The following VCP variants were observed in gnomAD, a reference collection of about 807,000 sequenced individuals.
The protein encoded by VCP is transitional endoplasmic reticulum ATPase.
A neutral mutation model predicts 85.7 loss-of-function variants in VCP; 6 were observed. That is an observed-to-expected ratio of 0.07 (90% CI 0.04 to 0.14). The LOEUF (loss-of-function observed/expected upper bound fraction) is 0.14. Ranked by LOEUF, VCP falls within the 10% of genes least tolerant of loss-of-function variation. The pLI is 1.00. For missense variants in VCP, 353 were observed against 1,043.4 expected (o/e 0.34, Z 9.12); for synonymous variants, 384 against 367.1 (o/e 1.05, Z -0.53).
chr9:35,071,608 C>A, intron 1 of VCP: 7 of 657,058 alleles, frequency 1.1e-5, no homozygotes, highest in Non-Finnish European at 1.3e-5. Flanking sequence ...CCTTTCTCCC[C>A]ACCCACGAGT....
Position 35,061,897 on chromosome 9 carries a change from C to T in VCP, c.1081+106G>A, listed in dbSNP as rs1051317864. ...GACGTAGGGTAAAGGAAAAAGACCC[C>T]TGGACCCAATCACTGTGAAGGGCTT... On this transcript the variant is annotated intron_variant, in intron 9 of 16. Transcript: ENST00000358901. The T allele has an allele frequency of 4.4e-6, 7 of 1,592,870 alleles. No homozygotes were observed. In the African/African-American group the frequency reaches 6.7e-5, roughly 15 times the overall value.
At chr9:35,066,612 T>G in intron 4 of VCP, 63 bp downstream of exon 4, 1 of 1,564,630 alleles carries the variant, frequency 6.4e-7, no homozygotes, top group South Asian at 1.2e-5. Flanking sequence ...GAAAATGAGA[T>G]AAAGATGTTC....
In VCP at chr9:35,060,835, T is replaced by A; in HGVS notation, c.1448A>T (p.Glu483Val). 8.1e-6 allele frequency: 13 copies of A among 1,614,182 alleles called. No homozygotes were observed. Among genetic ancestry groups the A allele is most frequent in the Non-Finnish European group, 1.0e-5 (12 of 1,180,026 alleles). ...QVTWEDIGGL[E>V]DVKRELQELV... ...CTCCTGTAGCTCACGTTTGACATCC[T>A]CTAGGCCCCCGATGTCTTCCCAGGT... The change falls in exon 12 of 17, where the codon GAG becomes GTG. Residue 483 changes from glutamate (E) to valine (V), a missense_variant. Physicochemically the swap from Glu to Val is moderately radical, Grantham distance 121 (BLOSUM62 -2). This residue lies in a region of VCP where 18 missense variants were observed against 71.2 expected (regional missense o/e 0.25). Coordinates refer to ENST00000358901, the MANE Select transcript of VCP (RefSeq NM_007126.5).
chr9:35,062,966 C>G lies in VCP; in HGVS notation c.811+12G>C, dbSNP rs772228010. 2 of 1,613,644 alleles carry G rather than the reference C, an allele frequency of 1.2e-6. No homozygotes were observed. Among genetic ancestry groups the G allele is most frequent in the East Asian group, 2.2e-5 (1 of 44,856 alleles). On this transcript the variant is annotated intron_variant, in intron 7 of 16. Coordinates refer to ENST00000358901, the MANE Select transcript of VCP (RefSeq NM_007126.5). ...GGGTCTAGCTAGACATAAGATGAAC[C>G]AAATATCTCACCATTGATCAAGAAG...
intron 13 of VCP, 84 bp downstream of exon 13, chr9:35,060,229 A>C: frequency 7.1e-7 from 1 of 1,409,138 alleles, no homozygotes; most frequent in South Asian, 1.2e-5. Flanking sequence ...AGCACTAAGA[A>C]TATTTCAACC....
At chr9:35,072,251 C>T in intron 1 of VCP, 86 bp downstream of exon 1, 1 of 1,474,944 alleles carries the variant, frequency 6.8e-7, no homozygotes, top group South Asian at 1.3e-5. Flanking sequence ...TCTGACGCGC[C>T]CACGGCCAGG....
In VCP at chr9:35,059,280, T is replaced by G. The variant is rs1828673760; in HGVS notation, c.2005-61A>C. On this transcript the variant is annotated intron_variant, in intron 14 of 16. Coordinates refer to ENST00000358901, the MANE Select transcript of VCP (RefSeq NM_007126.5). This position sits in a 1 kb window ranked among gnomAD's most constrained non-coding sequence, Gnocchi z 4.9. Reference sequence around the variant, plus strand: ...CTCTCCTCTCGAGATACGCAGATCTTTGGGCTACCCGAGCACTCCCAACTA... The same window carrying G: ...CTCTCCTCTCGAGATACGCAGATCTGTGGGCTACCCGAGCACTCCCAACTA... 1 of 1,608,014 alleles carries G rather than the reference T, an allele frequency of 6.2e-7. No individual in the cohort carries two copies. The highest frequency in any genetic ancestry group is 1.1e-5 in the South Asian group (1 of 90,264).
rs1828845460 is a variant in VCP at position 35,066,915 on chromosome 9, A to G, written c.303-98T>C. On this transcript the variant is annotated intron_variant, in intron 3 of 16. Transcript: ENST00000358901. ...GGCACAGATAGCTGATAGTAAGTGA[A>G]AAAGAAAAGGCAGGATGGCTTTAGG... is the stretch of plus-strand genomic sequence containing the variant. 5.7e-6 allele frequency: 9 copies of G among 1,591,016 alleles called. No homozygotes were observed. The South Asian group carries it at 8.9e-5, about 16-fold the overall frequency.
chr9:35,062,910 G>C, intron 7 of VCP, 68 bp downstream of exon 7: 1 of 1,472,292 alleles, frequency 6.8e-7, no homozygotes, highest in East Asian at 2.3e-5. Context: ...GTGTTCATAA[G>C]TGCTCCAGCT....
chr9:35,072,325 G>A lies in VCP; in HGVS notation c.17+12C>T. ...CGCCGCCGCAGCAAGCGAACGGCGCGCGCACACTCACTCGGCTCCAGAAGC... is the reference window on the plus strand; with the variant it reads ...CGCCGCCGCAGCAAGCGAACGGCGCACGCACACTCACTCGGCTCCAGAAGC... On this transcript the variant is annotated intron_variant, in intron 1 of 16. Coordinates refer to ENST00000358901, the MANE Select transcript of VCP (RefSeq NM_007126.5). The A allele has an allele frequency of 6.7e-7, 1 of 1,485,662 alleles. No individual in the cohort carries two copies. The highest frequency in any genetic ancestry group is 8.9e-7 in the Non-Finnish European group (1 of 1,126,048). 92.0% of individuals were successfully genotyped at this position (1,485,662 alleles called of 1,614,324 possible). A position where few individuals can be genotyped will look rare whatever the true frequency, so the allele number is the denominator to read the frequency against.
chr9:35,057,058 C>T lies in VCP; in HGVS notation c.*59G>A. The T allele has an allele frequency of 1.3e-6, 2 of 1,584,760 alleles. No homozygotes were observed. Among genetic ancestry groups the T allele is most frequent in the Non-Finnish European group, 1.7e-6 (2 of 1,155,592 alleles). ...CTGGTCCCTCTCCTGGGCAAGCGCC[C>T]CCACCCCCAGGGAACAAGGTCCAGG... On this transcript the variant is annotated 3_prime_UTR_variant, in exon 17 of 17. Transcript: ENST00000358901.
At chr9:35,062,448 C>T in intron 7 of VCP, 98 bp from the exon 8 acceptor site, 2 of 1,585,940 alleles carry the variant, frequency 1.3e-6, no homozygotes, top group Non-Finnish European at 8.6e-7. Flanking sequence ...GAGACAGGTC[C>T]TGGGTGAGAA....
chr9:35,070,019 A>G (rs1331560306), intron 1 of VCP, among the ~76,000 whole-genome samples: 1 of 152,226 alleles, frequency 6.6e-6, no homozygotes, highest in Non-Finnish European at 1.5e-5. Flanking sequence ...TGCTGTGCTC[A>G]GCTAGGAAGC....
In VCP at chr9:35,060,936, G is replaced by A. The variant is rs1251377815; in HGVS notation, c.1360-13C>T. ...GGCTCAAGGCCCACTAGAAAAGGAG[G>A]GAAAACTGGGGATGAGACTTATCAA... On this transcript the variant is annotated splice_polypyrimidine_tract_variant and intron_variant, in intron 11 of 16. Transcript: ENST00000358901. 1 of 1,614,168 alleles carries A rather than the reference G, an allele frequency of 6.2e-7. No individual in the cohort carries two copies. The highest frequency in any genetic ancestry group is 8.5e-7 in the Non-Finnish European group (1 of 1,180,032).
chr9:35,063,151 C>G lies in VCP; in HGVS notation c.709-71G>C, dbSNP rs753595390. On this transcript the variant is annotated intron_variant, in intron 6 of 16. Transcript: ENST00000358901. Reference sequence around the variant, plus strand: ...ACCCTAAAATGGCTTGACTAGCGCTCCAGAGAGGGTGAGAATCAGGCTTCA... The same window carrying G: ...ACCCTAAAATGGCTTGACTAGCGCTGCAGAGAGGGTGAGAATCAGGCTTCA... The G allele has an allele frequency of 2.3e-4, 317 of 1,372,736 alleles. No homozygotes were observed. Among genetic ancestry groups the G allele is most frequent in the Non-Finnish European group, 2.9e-4 (276 of 962,694 alleles). 85.0% of individuals were successfully genotyped at this position (1,372,736 alleles called of 1,614,324 possible).
chr9:35,059,787 G>T lies in VCP; in HGVS notation c.1710C>A (p.Ala570=). The part of the protein sequence containing the change: ...REIFDKARQA[A]PCVLFFDELD... ...GCTCATCAAAGAATAGCACACAGGGGGCAGCTTGGCGGGCCTGTAGGAGGA... is the reference window on the plus strand; with the variant it reads ...GCTCATCAAAGAATAGCACACAGGGTGCAGCTTGGCGGGCCTGTAGGAGGA... Residue 570 remains alanine (A), a synonymous_variant, in exon 14 of 17, where the codon GCC becomes GCA. Transcript: ENST00000358901. The surrounding 1 kb of genome is among the most constrained non-coding windows in gnomAD (Gnocchi z 4.9). 6.2e-7 allele frequency: 1 copy of T among 1,614,096 alleles called. No homozygotes were observed. Among genetic ancestry groups the T allele is most frequent in the East Asian group, 2.2e-5 (1 of 44,886 alleles).
intron 3 of VCP, 31 bp from the exon 4 acceptor site, chr9:35,066,848 A>G: frequency 3.1e-6 from 5 of 1,613,698 alleles, no homozygotes; most frequent in Non-Finnish European, 4.2e-6. Context: ...CCATATTACC[A>G]ACCACACTTC....
In VCP at chr9:35,068,275, G is replaced by A. The variant is rs1186231039; in HGVS notation, c.105C>T (p.Asp35=). 2 of 1,614,162 alleles carry A rather than the reference G, an allele frequency of 1.2e-6. No individual in the cohort carries two copies. The highest frequency in any genetic ancestry group is 2.2e-5 in the East Asian group (1 of 44,888). ...CCTGGGACAAGGACACCACACTGTT[G>A]TCCTCATTGATGGCTTCATCAACAA... is the stretch of plus-strand genomic sequence containing the variant. ...RLIVDEAINE[D]NSVVSLSQPK... is the part of the protein sequence containing the mutation. Residue 35 remains aspartate (D), a synonymous_variant, in exon 2 of 17, where the codon GAC becomes GAT. Coordinates refer to ENST00000358901, the MANE Select transcript of VCP (RefSeq NM_007126.5).
chr9:35,058,766 C>T (rs1283528591), intron 15 of VCP, among the ~76,000 whole-genome samples: 2 of 144,922 alleles, frequency 1.4e-5, no homozygotes, highest in Admixed American at 1.4e-4. Context: ...GACTTCGTCT[C>T]AAAAAAAAAA....
Sources: gnomAD v4.1 joint callset for allele counts (sites outside exome capture counted in the v4.1 genomes callset) on GRCh38, gnomAD v4.1.1 for gene constraint, gnomAD v4.1.1 regional missense constraint, Gnocchi (gnomAD v3.1) non-coding constraint, MANE v1.5 for transcripts, NCBI Gene and HGNC (gene_info 2026-07-23, HGNC 2026-07-21) for gene names.